The following FUS variants were observed in gnomAD, a reference collection of about 807,000 sequenced individuals.
The protein encoded by FUS is FUS RNA binding protein.
A neutral mutation model predicts 82.7 loss-of-function variants in FUS; 5 were observed. The observed-to-expected ratio is 0.06, with a 90% confidence interval of 0.03 to 0.13. The LOEUF is 0.13. Among genes scored for constraint, FUS ranks in the 10% least tolerant of loss-of-function variants. FUS has a pLI of 1.00. For synonymous variants in FUS, 281 were observed against 247.4 expected, an observed-to-expected ratio of 1.14 and a Z score of -1.27; for missense variants, 512 against 707.8, an observed-to-expected ratio of 0.72 and a Z score of 3.14.
chr16:31,185,081 TGGCGGC>T lies in FUS; in HGVS notation c.681_686del (p.Gly230_Gly231del), dbSNP rs72550890. 5.1e-4 allele frequency: 817 copies of T among 1,607,564 alleles called. No individual in the cohort carries two copies. Among genetic ancestry groups the T allele is most frequent in the African/African-American group, 6.8e-4 (51 of 74,714 alleles). ...GAGGCCGCGGCAGGGGTGGCAGTGGTGGCGGCGGCGGCGGCGGCGGTGGTGGTTACA... is the reference window on the plus strand; with the variant it reads ...GAGGCCGCGGCAGGGGTGGCAGTGGTGGCGGCGGCGGCGGTGGTGGTTACA... On this transcript the variant is annotated inframe_deletion, in exon 6 of 15. Transcript: ENST00000254108.
In FUS at chr16:31,185,155, G is replaced by C; in HGVS notation, c.740G>C (p.Gly247Ala). The change falls in exon 6 of 15, where the codon GGC (glycine) becomes GCC (alanine). Residue 247 changes from glycine (G) to alanine (A), a missense_variant. By Grantham distance (60) the Gly-to-Ala change is moderately conservative. Transcript: ENST00000254108. ...TATGAACCCAGAGGTCGTGGAGGTGGCCGTGGAGGCAGAGGTGGCATGGGG... is the reference window on the plus strand; with the variant it reads ...TATGAACCCAGAGGTCGTGGAGGTGCCCGTGGAGGCAGAGGTGGCATGGGG... Reference protein sequence around the residue: ...GGYEPRGRGGGRGGRGGMGGS... With the variant: ...GGYEPRGRGGARGGRGGMGGS... 6.2e-7 allele frequency: 1 copy of C among 1,610,498 alleles called. No individual in the cohort carries two copies. Among genetic ancestry groups the C allele is most frequent in the South Asian group, 1.1e-5 (1 of 90,728 alleles).
downstream of FUS, chr16:31,194,107 G>T (rs776237119): frequency 3.7e-6 from 2 of 533,414 alleles, no homozygotes; most frequent in Non-Finnish European, 7.3e-6. Context: ...CCTTCAGTTA[G>T]CCCTTTCAGC....
rs2079231851 is a variant in FUS at position 31,184,501 on chromosome 16, TG to T, written c.523+107del. 7.0e-6 allele frequency: 8 copies of T among 1,145,440 alleles called. No individual in the cohort carries two copies. The East Asian group carries it at 2.1e-4, about 29-fold the overall frequency. The allele number at this position is 1,145,440 out of a possible 1,614,324, so 71.0% of individuals were successfully genotyped here. On this transcript the variant is annotated intron_variant, in intron 5 of 14. Coordinates refer to ENST00000254108, the MANE Select transcript of FUS (RefSeq NM_004960.4). ...CTCTGTTGCTGAGGCTGGAGTGCAG[TG>T]GCACAATCTCGGCTCACTGCAAGCT...
Position 31,185,192 on chromosome 16 carries a change from T to C in FUS, c.764+13T>C, listed in dbSNP as rs2144115236. 1 of 1,602,088 alleles carries C rather than the reference T, an allele frequency of 6.2e-7. No homozygotes were observed. The highest frequency in any genetic ancestry group is 8.5e-7 in the Non-Finnish European group (1 of 1,173,612). ...GAGGTGGCATGGGGTAGGTGTCTCA[T>C]GAGCCAGGGAGTATCTTTGGTGGGG... On this transcript the variant is annotated intron_variant, in intron 6 of 14. Transcript: ENST00000254108.
At chr16:31,192,198 CAG>C (rs1567480359), downstream of FUS, 1 of 527,774 alleles carries the variant, frequency 1.9e-6, no homozygotes, top group Non-Finnish European at 3.7e-6. Context: ...TGCCTGTACT[CAG>C]AGGGCTTGAG....
rs186828218 is a variant in FUS, at chr16:31,182,949, C to T, written c.190+285C>T. The T allele has an allele frequency of 4.9e-5, 21 of 424,962 alleles. No individual in the cohort carries two copies. The East Asian group carries it at 6.4e-4, about 13-fold the overall frequency. 26.3% of individuals were successfully genotyped at this position (424,962 alleles called of 1,614,324 possible). Reference sequence around the variant, plus strand: ...CAGGCTGGTCTGGAACTCCTGACCTCCTGCCTGCCTTGACCTGCCAAAGTG... The same window carrying T: ...CAGGCTGGTCTGGAACTCCTGACCTTCTGCCTGCCTTGACCTGCCAAAGTG... On this transcript the variant is annotated intron_variant, in intron 3 of 14. Coordinates refer to ENST00000254108, the MANE Select transcript of FUS (RefSeq NM_004960.4).
In FUS at chr16:31,190,730, C is replaced by T. The variant is rs1402773431; in HGVS notation, c.1293-12C>T. 1.2e-6 allele frequency: 2 copies of T among 1,612,106 alleles called. No homozygotes were observed. Among genetic ancestry groups the T allele is most frequent in the South Asian group, 2.2e-5 (2 of 91,056 alleles). On this transcript the variant is annotated splice_polypyrimidine_tract_variant and intron_variant, in intron 12 of 14. Transcript: ENST00000254108. The stretch of plus-strand genomic sequence containing the variant: ...CCATCGCTCCAGACTGATTGTCTTC[C>T]TTTCTCCTTAGCACCTGTGAGAATA...
intron 7 of FUS, 42 bp from the exon 8 acceptor site, chr16:31,188,283 G>C: frequency 1.3e-6 from 2 of 1,598,122 alleles, no homozygotes; most frequent in Non-Finnish European, 1.7e-6. Flanking sequence ...TCTTTTCCTT[G>C]TTTTTGTTTT....
At chr16:31,194,138 G>A (rs187141416), downstream of FUS, 19 of 531,834 alleles carry the variant, frequency 3.6e-5, no homozygotes, top group Non-Finnish European at 5.8e-5. Context: ...ATCTTGTGCC[G>A]GGCCTTCCTG....
At chr16:31,193,776 G>C, downstream of FUS, 1 of 528,970 alleles carries the variant, frequency 1.9e-6, no homozygotes, top group Non-Finnish European at 3.7e-6. Flanking sequence ...GGGACTACAG[G>C]TGCTTCCTCG....
intron 6 of FUS, 141 bp downstream of exon 6, chr16:31,185,320 ACTTTC>A: frequency 1.8e-6 from 2 of 1,085,414 alleles, no homozygotes; most frequent in Non-Finnish European, 2.6e-6. Flanking sequence ...GGGGGCAGTG[ACTTTC>A]TTTTTACATC....
At chr16:31,193,277 A>G (rs1235669666), downstream of FUS, 1 of 511,836 alleles carries the variant, frequency 2.0e-6, no homozygotes, top group East Asian at 4.3e-5. Flanking sequence ...AAGCAACAGT[A>G]GGCGGAGAGT....
At chr16:31,185,661 A>G in intron 6 of FUS, 1 of 468,128 alleles carries the variant, frequency 2.1e-6, no homozygotes, top group South Asian at 1.6e-5. Flanking sequence ...ATTTGAATCC[A>G]CGAGCTTGAT....
At chr16:31,191,260 CAGG>C in intron 14 of FUS, 136 bp from the exon 15 acceptor site, 7 of 1,468,328 alleles carry the variant, frequency 4.8e-6, no homozygotes, top group South Asian at 2.3e-5. Context: ...AAAATTAACT[CAGG>C]GGGAGTGAAT....
downstream of FUS, chr16:31,192,914 T>C (rs11860134): frequency 1 from 483,707 of 485,508 alleles, 240,990 homozygotes; most frequent in Non-Finnish European, 1. Context: ...TGTTCTCTAC[T>C]GAAGAGTTGC....
chr16:31,188,576 G>A, intron 8 of FUS: 1 of 608,568 alleles, frequency 1.6e-6, no homozygotes, highest in Non-Finnish European at 2.9e-6. Context: ...TTAGGTCTGA[G>A]AGGACCCTGA....
In FUS at chr16:31,184,915, T is replaced by G. The variant is rs906847865; in HGVS notation, c.524-24T>G. ...TTACAATCTTTTTGTTTTTTTTTTT[T>G]AATCATTCTTTCTTTTCTCACAGGT... On this transcript the variant is annotated intron_variant, in intron 5 of 14. Coordinates refer to ENST00000254108, the MANE Select transcript of FUS (RefSeq NM_004960.4). 2.7e-4 allele frequency: 432 copies of G among 1,606,422 alleles called. No homozygotes were observed. The highest frequency in any genetic ancestry group is 3.4e-4 in the Non-Finnish European group (403 of 1,174,126).
downstream of FUS, chr16:31,194,753 A>G (rs1182173266): frequency 2.1e-6 from 1 of 483,666 alleles, no homozygotes; most frequent in East Asian, 4.9e-5. Flanking sequence ...AGCCACTCTT[A>G]GAAAATTTTG....
At chr16:31,182,060 G>C (rs2079187238) in intron 1 of FUS, among the ~76,000 whole-genome samples, 1 of 151,448 alleles carries the variant, frequency 6.6e-6, no homozygotes. Flanking sequence ...GGAGTGCAAT[G>C]GCTCACTGCA....
Sources: gnomAD v4.1 joint callset for allele counts (sites outside exome capture counted in the v4.1 genomes callset) on GRCh38, gnomAD v4.1.1 for gene constraint, MANE v1.5 for transcripts, NCBI Gene and HGNC (gene_info 2026-07-23, HGNC 2026-07-21) for gene names.